The following PRPF6 variants were observed in gnomAD, a reference collection of about 807,000 sequenced individuals.
PRPF6 encodes pre-mRNA-processing factor 6.
In PRPF6, 42 loss-of-function variants were observed where a neutral mutation model predicts 118.3. The ratio of observed to expected loss-of-function variants is 0.35; its 90% CI spans 0.28 to 0.46. PRPF6 has a LOEUF of 0.46. PRPF6 is among the 20% of genes least tolerant of loss of function. The pLI is 1.00. For synonymous variants in PRPF6, 481 were observed against 485.1 expected (o/e 0.99, Z 0.11); for missense variants, 662 against 1,255.7 (o/e 0.53, Z 7.15).
At chr20:64,016,250 T>G (rs2123064609) in intron 11 of PRPF6, among the ~76,000 whole-genome samples, 1 of 151,694 alleles carries the variant, frequency 6.6e-6, no homozygotes, top group East Asian at 1.9e-4. Flanking sequence ...GCCTCCCGAG[T>G]AAGCTGGGAT....
At chr20:63,981,484 G>A (rs940861583) in intron 1 of PRPF6, among the ~76,000 whole-genome samples, 168 bp downstream of exon 1, 3 of 152,224 alleles carry the variant, frequency 2.0e-5, no homozygotes, top group Admixed American at 6.5e-5. Context: ...ACATACCTGT[G>A]TGTGCACCCT....
intron 3 of PRPF6, among the ~76,000 whole-genome samples, chr20:63,990,914 A>G (rs2059115868): frequency 6.6e-6 from 1 of 151,476 alleles, no homozygotes; most frequent in Non-Finnish European, 1.5e-5. Context: ...TTGGCCTCCC[A>G]AGGTGCTGGG....
At chr20:64,018,238 A>G (rs73916681) in intron 12 of PRPF6, among the ~76,000 whole-genome samples, 2,208 of 152,298 alleles carry the variant, frequency 0.014, 55 homozygotes, top group African/African-American at 0.05. Flanking sequence ...TCCTTTTAGC[A>G]GAAGAAAAAA....
In PRPF6 at chr20:63,987,169, C is replaced by CAAA. The variant is rs61702884; in HGVS notation, c.359+2162_359+2164dup. On this transcript the variant is annotated intron_variant, in intron 3 of 20. Transcript: ENST00000266079. The stretch of plus-strand genomic sequence containing the variant: ...TGGGCCACAGAGCGAGACCCTGTCT[C>CAAA]AAAAAAAAAAAAAAAAAAAAGGGGG... Among the ~76,000 whole-genome samples the CAAA allele has an allele frequency of 2.9e-4, 15 of 52,376 alleles. 1 individual carries two copies. The highest frequency in any genetic ancestry group is 1.2e-3 in the East Asian group (2 of 1,636). 34.4% of individuals were successfully genotyped at this position (52,376 alleles called of 152,430 possible).
intron 8 of PRPF6, among the ~76,000 whole-genome samples, chr20:64,000,600 G>A (rs1013310147): frequency 2.1e-5 from 3 of 144,718 alleles, no homozygotes; most frequent in Non-Finnish European, 4.5e-5. Flanking sequence ...TTTGAGTCTC[G>A]CTCTGTTGCC....
At chr20:63,995,248 A>G in intron 5 of PRPF6, 79 bp from the exon 6 acceptor site, 1 of 1,570,232 alleles carries the variant, frequency 6.4e-7, no homozygotes, top group Middle Eastern at 1.7e-4. Context: ...CCACTGGGGA[A>G]GTATTTCAGA....
At chr20:63,981,358 CA>C (rs1569208974) in intron 1 of PRPF6, 42 bp downstream of exon 1, 2 of 1,534,616 alleles carry the variant, frequency 1.3e-6, no homozygotes, top group Non-Finnish European at 1.8e-6. Flanking sequence ...GACCCGGCTA[CA>C]GGAGCGCAGT....
intron 9 of PRPF6, among the ~76,000 whole-genome samples, chr20:64,002,238 G>A (rs1254619333): frequency 6.6e-6 from 1 of 151,584 alleles, no homozygotes; most frequent in African/African-American, 2.4e-5. Flanking sequence ...ATCCAGGATG[G>A]TCTCGATCTC....
At chr20:64,004,082 G>T (rs972259863) in intron 9 of PRPF6, among the ~76,000 whole-genome samples, 1 of 152,248 alleles carries the variant, frequency 6.6e-6, no homozygotes, top group African/African-American at 2.4e-5. Flanking sequence ...GCCACAGTTT[G>T]ATGAATGATC....
In PRPF6 at chr20:64,027,698, A is replaced by G. The variant is rs2059297157; in HGVS notation, c.2301A>G (p.Glu767=). 1.2e-6 allele frequency: 2 copies of G among 1,614,030 alleles called. No homozygotes were observed. The highest frequency in any genetic ancestry group is 2.2e-5 in the East Asian group (1 of 44,884). The change falls in exon 17 of 21, where the codon GAA becomes GAG. Residue 767 remains glutamate, a synonymous_variant. Coordinates refer to ENST00000266079, the MANE Select transcript of PRPF6 (RefSeq NM_012469.4). The surrounding 1 kb of genome is among the most constrained non-coding windows in gnomAD (Gnocchi z 6.5). ...TTACTCGAGCACGGGCCATTTTGGA[A>G]AAGTCTCGTCTGAAGAACCCAAAGA... The part of the protein sequence containing the change: ...GQLTRARAIL[E]KSRLKNPKNP...
chr20:63,984,721 T>C (rs987350264), intron 2 of PRPF6, among the ~76,000 whole-genome samples, 186 bp from the exon 3 acceptor site: 1 of 152,226 alleles, frequency 6.6e-6, no homozygotes, highest in Non-Finnish European at 1.5e-5. Context: ...GGGGGTCTCC[T>C]CTGTCTTCCA....
chr20:63,989,745 C>T (rs1344012832), intron 3 of PRPF6, among the ~76,000 whole-genome samples: 1 of 151,758 alleles, frequency 6.6e-6, no homozygotes, highest in African/African-American at 2.4e-5. Flanking sequence ...AAACTCCTGG[C>T]CTTGTGCTCC....
intron 3 of PRPF6, among the ~76,000 whole-genome samples, chr20:63,991,069 A>G (rs1173912970): frequency 2.0e-5 from 3 of 152,078 alleles, no homozygotes; most frequent in African/African-American, 7.2e-5. Context: ...TACAGGCATG[A>G]GTTACTACAC....
chr20:64,023,453 A>G (rs1189081050), intron 13 of PRPF6, among the ~76,000 whole-genome samples: 1 of 152,166 alleles, frequency 6.6e-6, no homozygotes, highest in African/African-American at 2.4e-5. Flanking sequence ...TCGTGTCCCC[A>G]CGCACCCTCT....
At chr20:64,020,932 A>G (rs967989229) in intron 12 of PRPF6, among the ~76,000 whole-genome samples, 10 of 152,092 alleles carry the variant, frequency 6.6e-5, no homozygotes, top group African/African-American at 2.4e-4. Context: ...GATTACAGCC[A>G]TGCACTACCA....
chr20:63,989,078 C>A (rs1487291839), intron 3 of PRPF6, among the ~76,000 whole-genome samples: 1 of 152,018 alleles, frequency 6.6e-6, no homozygotes, highest in Non-Finnish European at 1.5e-5. Context: ...GACCCAGAAA[C>A]AAATAGGTAC....
At chr20:63,999,252 T>A (rs2059155071) in intron 7 of PRPF6, 113 bp downstream of exon 7, 3 of 899,022 alleles carry the variant, frequency 3.3e-6, no homozygotes, top group Non-Finnish European at 5.5e-6. Context: ...TTCTAAGAAA[T>A]GTAAAGTGGA....
At chr20:64,003,007 C>T (rs1019940024) in intron 9 of PRPF6, among the ~76,000 whole-genome samples, 3 of 151,304 alleles carry the variant, frequency 2.0e-5, no homozygotes, top group Non-Finnish European at 2.9e-5. Flanking sequence ...TGCAGTGGCA[C>T]GATCTTGGCT....
At chr20:64,003,760 T>G (rs551670481) in intron 9 of PRPF6, among the ~76,000 whole-genome samples, 1 of 152,290 alleles carries the variant, frequency 6.6e-6, no homozygotes, top group East Asian at 1.9e-4. Flanking sequence ...CAGGCCTGGC[T>G]AATTTTTTTT....
Sources: gnomAD v4.1 joint callset for allele counts (sites outside exome capture counted in the v4.1 genomes callset) on GRCh38, gnomAD v4.1.1 for gene constraint, Gnocchi (gnomAD v3.1) non-coding constraint, MANE v1.5 for transcripts, NCBI Gene and HGNC (gene_info 2026-07-23, HGNC 2026-07-21) for gene names.